OR1J2: variants seen among roughly 807,000 people sequenced by gnomAD.
The protein encoded by OR1J2 is olfactory receptor 1J2.
For synonymous variants in OR1J2, 142 were observed against 99.7 expected, an observed-to-expected ratio of 1.42 and a Z score of -2.52; for missense variants, 304 against 246.1, an observed-to-expected ratio of 1.24 and a Z score of -1.57.
upstream of OR1J2, among the ~76,000 whole-genome samples, chr9:122,507,985 A>C (rs897179147): frequency 6.4e-4 from 98 of 152,148 alleles, no homozygotes; most frequent in African/African-American, 2.2e-3. Flanking sequence ...GAGACCTGCT[A>C]TGGACAAAAA....
chr9:122,567,822 TA>T, the OR1J2 span: 2 of 1,614,076 alleles, frequency 1.2e-6, no homozygotes, highest in Admixed American at 3.3e-5. Context: ...GATTCGTATA[TA>T]AGAGAAAGCA....
chr9:122,477,114 G>GTTCTTGTCA, the OR1J2 span: 1 of 1,613,856 alleles, frequency 6.2e-7, no homozygotes, highest in Non-Finnish European at 8.5e-7. Flanking sequence ...AAGCAATTAT[G>GTTCTTGTCA]TTCTTGTCAT....
chr9:122,458,043 C>T, the OR1J2 span, among the ~76,000 whole-genome samples: 2 of 151,722 alleles, frequency 1.3e-5, no homozygotes, highest in African/African-American at 4.8e-5. Flanking sequence ...TTTTTTAGAT[C>T]TTGTTTCTGC....
At chr9:122,575,910 G>A in the OR1J2 span, among the ~76,000 whole-genome samples, 1 of 152,040 alleles carries the variant, frequency 6.6e-6, no homozygotes, top group East Asian at 1.9e-4. Flanking sequence ...CCCCCTACCT[G>A]TAGTAACTAT....
chr9:122,547,904 A>G, the OR1J2 span, among the ~76,000 whole-genome samples: 1 of 152,148 alleles, frequency 6.6e-6, no homozygotes, highest in African/African-American at 2.4e-5. Context: ...TTACATTCCT[A>G]CCAACATTGC....
the OR1J2 span, among the ~76,000 whole-genome samples, chr9:122,562,836 A>G: frequency 1.1e-4 from 17 of 152,262 alleles, no homozygotes; most frequent in Admixed American, 5.2e-4. Flanking sequence ...GCTGCCACAA[A>G]AGAATAAAAA....
chr9:122,522,383 C>T, the OR1J2 span, among the ~76,000 whole-genome samples: 1 of 152,166 alleles, frequency 6.6e-6, no homozygotes, highest in Non-Finnish European at 1.5e-5. Context: ...CCAGGAACTC[C>T]AGCACTTGAT....
chr9:122,558,340 C>CAA, the OR1J2 span, among the ~76,000 whole-genome samples: 1 of 20,364 alleles, frequency 4.9e-5, no homozygotes, highest in African/African-American at 1.9e-4. Context: ...TTTTTTTTTG[C>CAA]AAAAGAAGGT....
chr9:122,470,453 C>A, the OR1J2 span, among the ~76,000 whole-genome samples: 1 of 152,216 alleles, frequency 6.6e-6, no homozygotes, highest in African/African-American at 2.4e-5. Flanking sequence ...GATGCCCAGG[C>A]AGAAGTTTGC....
At chr9:122,569,327 C>T in the OR1J2 span, among the ~76,000 whole-genome samples, 195 of 152,042 alleles carry the variant, frequency 1.3e-3, no homozygotes, top group African/African-American at 4.4e-3. Flanking sequence ...TTATCTTTTA[C>T]GTGTTAAAAA....
At chr9:122,549,515 A>C in the OR1J2 span, among the ~76,000 whole-genome samples, 1 of 152,130 alleles carries the variant, frequency 6.6e-6, no homozygotes, top group East Asian at 1.9e-4. Context: ...TAAGTCTTTA[A>C]TCCATCTTGA....
chr9:122,542,369 G>C, the OR1J2 span, among the ~76,000 whole-genome samples: 5 of 152,094 alleles, frequency 3.3e-5, no homozygotes, highest in Admixed American at 6.5e-5. Flanking sequence ...CTGGGCAATA[G>C]GGTAAGTAAT....
the OR1J2 span, among the ~76,000 whole-genome samples, chr9:122,462,549 C>G: frequency 1.3e-5 from 2 of 152,166 alleles, no homozygotes; most frequent in Non-Finnish European, 2.9e-5. Context: ...AGATTCTATT[C>G]TGGTGTATTT....
the OR1J2 span, among the ~76,000 whole-genome samples, chr9:122,561,509 T>C: frequency 6.6e-6 from 1 of 152,196 alleles, no homozygotes; most frequent in Non-Finnish European, 1.5e-5. Flanking sequence ...TGCTGACCCT[T>C]GGATGAGGTT....
chr9:122,487,482 C>T, the OR1J2 span, among the ~76,000 whole-genome samples: 1 of 152,076 alleles, frequency 6.6e-6, no homozygotes. Context: ...CACACACACA[C>T]ACACACACAA....
the OR1J2 span, chr9:122,578,445 T>C: frequency 3.0e-5 from 2 of 66,978 alleles, no homozygotes; most frequent in African/African-American, 1.3e-4. Context: ...CAAGACTCCA[T>C]CTCAAAAAAA....
the OR1J2 span, among the ~76,000 whole-genome samples, chr9:122,469,651 A>G: frequency 6.6e-6 from 1 of 152,228 alleles, no homozygotes; most frequent in Admixed American, 6.5e-5. Flanking sequence ...TGGAGGGCTC[A>G]GAAGAAGACA....
the OR1J2 span, among the ~76,000 whole-genome samples, chr9:122,535,786 T>A: frequency 2.0e-5 from 3 of 152,208 alleles, no homozygotes; most frequent in South Asian, 4.1e-4. Flanking sequence ...ACAGGCTTCA[T>A]GTGAGCAACA....
the OR1J2 span, chr9:122,526,790 C>T: frequency 6.2e-7 from 1 of 1,614,096 alleles, no homozygotes; most frequent in Middle Eastern, 1.6e-4. Flanking sequence ...TTTCCCCAGT[C>T]ACACAGAAGG....
Sources: gnomAD v4.1 joint callset for allele counts (sites outside exome capture counted in the v4.1 genomes callset) on GRCh38, gnomAD v4.1.1 for gene constraint, MANE v1.5 for transcripts, NCBI Gene and HGNC (gene_info 2026-07-23, HGNC 2026-07-21) for gene names.